GUCY1B1: variants seen among roughly 807,000 people sequenced by gnomAD.
GUCY1B1 encodes guanylate cyclase soluble subunit beta-1.
Under a neutral mutation model 71.0 loss-of-function variants are expected in GUCY1B1, and 43 were observed. The ratio of observed to expected loss-of-function variants is 0.61; its 90% CI spans 0.47 to 0.78. The LOEUF (loss-of-function observed/expected upper bound fraction) is 0.78. GUCY1B1 is among the 30% of genes least tolerant of loss of function. GUCY1B1 has a pLI of 0.00. For missense variants in GUCY1B1, 535 were observed against 754.1 expected (o/e 0.71, Z 3.40); for synonymous variants, 266 against 259.7 (o/e 1.02, Z -0.23).
intron 3 of GUCY1B1, among the ~76,000 whole-genome samples, chr4:155,775,381 C>T (rs1737973697): frequency 6.6e-6 from 1 of 152,202 alleles, no homozygotes; most frequent in Admixed American, 6.5e-5. Context: ...CATCCTCTGC[C>T]TGCCAGGCTC....
At position 155,795,203 on chromosome 4, in the gene GUCY1B1, T is replaced by G. The variant is rs899410063; in HGVS notation, c.727-138T>G. ...TTGAGATTTGAGTTGATAGTTCAGC[T>G]AAGTTTCCCTTGAATTATAATAATT... is the stretch of plus-strand genomic sequence containing the variant. On this transcript the variant is annotated intron_variant, in intron 6 of 13. Coordinates refer to ENST00000264424, the MANE Select transcript of GUCY1B1 (RefSeq NM_000857.5). 5.7e-6 allele frequency: 3 copies of G among 523,438 alleles called. No homozygotes were observed. The African/African-American group carries it at 5.8e-5, about 10-fold the overall frequency. The allele number at this position is 523,438 out of a possible 1,614,324, so 32.4% of individuals were successfully genotyped here.
In GUCY1B1 at chr4:155,802,088, T is replaced by C; in HGVS notation, c.1176-254T>C. 1 of 695,164 alleles carries C rather than the reference T, an allele frequency of 1.4e-6. No individual in the cohort carries two copies. The highest frequency in any genetic ancestry group is 2.3e-6 in the Non-Finnish European group (1 of 430,152). The allele number at this position is 695,164 out of a possible 1,614,324, so 43.1% of individuals were successfully genotyped here. ...TTTTGTTTTGTCTGTTTGCTTGGCTTATTTTGATTTGGTTTGAACTAGTTT... is the reference window on the plus strand; with the variant it reads ...TTTTGTTTTGTCTGTTTGCTTGGCTCATTTTGATTTGGTTTGAACTAGTTT... On this transcript the variant is annotated intron_variant, in intron 9 of 13. Coordinates refer to ENST00000264424, the MANE Select transcript of GUCY1B1 (RefSeq NM_000857.5). The surrounding 1 kb of genome is among the most constrained non-coding windows in gnomAD (Gnocchi z 4.3).
At chr4:155,787,117 A>G (rs1738851459) in intron 4 of GUCY1B1, among the ~76,000 whole-genome samples, 1 of 152,158 alleles carries the variant, frequency 6.6e-6, no homozygotes, top group Non-Finnish European at 1.5e-5. Flanking sequence ...TGAGAGGGCT[A>G]TGAAGCAGTT....
chr4:155,793,767 G>A (rs1337916240), intron 5 of GUCY1B1, 89 bp from the exon 6 acceptor site: 5 of 646,528 alleles, frequency 7.7e-6, no homozygotes, highest in African/African-American at 3.7e-5. Flanking sequence ...TCTTCTAAAT[G>A]CAGTATTCAT....
At chr4:155,780,953 T>C (rs1197022097) in intron 4 of GUCY1B1, among the ~76,000 whole-genome samples, 1 of 152,184 alleles carries the variant, frequency 6.6e-6, no homozygotes, top group Non-Finnish European at 1.5e-5. Context: ...AATCATAACA[T>C]GGGAGACTAT....
intron 4 of GUCY1B1, among the ~76,000 whole-genome samples, chr4:155,786,108 C>A (rs1265736602): frequency 9.5e-6 from 1 of 104,924 alleles, no homozygotes; most frequent in African/African-American, 3.4e-5. Context: ...TTGCCTTATG[C>A]CATCTGCTTG....
Position 155,804,582 on chromosome 4 carries a change from C to T in GUCY1B1, c.1555-11C>T. The T allele has an allele frequency of 1.3e-6, 2 of 1,591,978 alleles. No individual in the cohort carries two copies. The highest frequency in any genetic ancestry group is 1.7e-6 in the Non-Finnish European group (2 of 1,169,218). Reference sequence around the variant, plus strand: ...ATCAAAATGATTGAAGCAAAGCTTTCTTTTTTGCAGATAACAATAGGGATA... The same window carrying T: ...ATCAAAATGATTGAAGCAAAGCTTTTTTTTTTGCAGATAACAATAGGGATA... On this transcript the variant is annotated splice_polypyrimidine_tract_variant and intron_variant, in intron 11 of 13. Coordinates refer to ENST00000264424, the MANE Select transcript of GUCY1B1 (RefSeq NM_000857.5).
At chr4:155,777,375 G>A (rs1738124054) in intron 3 of GUCY1B1, 149 bp from the exon 4 acceptor site, 3 of 607,974 alleles carry the variant, frequency 4.9e-6, no homozygotes, top group East Asian at 5.5e-5. Context: ...GTATTGTCCT[G>A]GCGGGATTTT....
intron 8 of GUCY1B1, among the ~76,000 whole-genome samples, chr4:155,797,749 A>T (rs1202977566): frequency 6.7e-6 from 1 of 149,498 alleles, no homozygotes; most frequent in Non-Finnish European, 1.5e-5. Flanking sequence ...AATAATAATA[A>T]TAATAATAAT....
At chr4:155,793,822 G>A in intron 5 of GUCY1B1, 34 bp from the exon 6 acceptor site, 1 of 915,022 alleles carries the variant, frequency 1.1e-6, no homozygotes, top group Non-Finnish European at 1.8e-6. Context: ...CTGAAATGAA[G>A]ACAATTCATG....
At chr4:155,760,016 C>T (rs989269049) in intron 2 of GUCY1B1, among the ~76,000 whole-genome samples, 156 bp downstream of exon 2, 3 of 152,092 alleles carry the variant, frequency 2.0e-5, no homozygotes, top group Non-Finnish European at 4.4e-5. Context: ...AGCTGCGCTC[C>T]CACGCTCCGG....
intron 4 of GUCY1B1, among the ~76,000 whole-genome samples, chr4:155,778,815 G>C (rs1347537435): frequency 6.6e-6 from 1 of 152,108 alleles, no homozygotes; most frequent in Non-Finnish European, 1.5e-5. Context: ...GGGGGATTTT[G>C]GGTTTTTGAA....
intron 2 of GUCY1B1, among the ~76,000 whole-genome samples, chr4:155,768,498 G>A (rs546962546): frequency 2.6e-4 from 39 of 148,038 alleles, no homozygotes; most frequent in South Asian, 4.3e-4. Flanking sequence ...AAATGTGTGG[G>A]GAAATTGATT....
At chr4:155,774,812 A>C (rs971569609) in intron 2 of GUCY1B1, among the ~76,000 whole-genome samples, 156 bp from the exon 3 acceptor site, 1 of 152,184 alleles carries the variant, frequency 6.6e-6, no homozygotes, top group Admixed American at 6.5e-5. Context: ...CTCTCACTAG[A>C]ATTTTAGGTA....
intron 3 of GUCY1B1, 59 bp downstream of exon 3, chr4:155,775,127 C>A: frequency 1.1e-6 from 1 of 886,534 alleles, no homozygotes; most frequent in Non-Finnish European, 1.9e-6. Context: ...TCACAGAATG[C>A]ATGGTTCAAG....
chr4:155,764,130 G>GAGC (rs1465456851), intron 2 of GUCY1B1, among the ~76,000 whole-genome samples: 2 of 151,970 alleles, frequency 1.3e-5, no homozygotes, highest in African/African-American at 4.8e-5. Context: ...ACAAACAAAA[G>GAGC]AGCACATCAC....
intron 8 of GUCY1B1, among the ~76,000 whole-genome samples, chr4:155,798,608 A>G (rs1380620898): frequency 6.6e-5 from 10 of 152,198 alleles, no homozygotes; most frequent in African/African-American, 2.2e-4. Flanking sequence ...GCTGCTGAGA[A>G]TATATTGCAT....
Position 155,802,378 on chromosome 4 carries a change from T to C in GUCY1B1, c.1212T>C (p.Asn404=), listed in dbSNP as rs561088615. The change falls in exon 10 of 14, where the codon AAT becomes AAC. Residue 404 remains asparagine, a synonymous_variant. Transcript: ENST00000264424. The surrounding 1 kb of genome is among the most constrained non-coding windows in gnomAD (Gnocchi z 4.3). ...CTGTCCTTCCTCCGTCTGTTGCCAA[T>C]GAGCTGCGGCACAAGCGTCCAGTGC... ...LYSVLPPSVA[N]ELRHKRPVPA... 1 of 1,613,628 alleles carries C rather than the reference T, an allele frequency of 6.2e-7. No individual in the cohort carries two copies. The highest frequency in any genetic ancestry group is 1.1e-5 in the South Asian group (1 of 91,060).
chr4:155,785,460 T>A, intron 4 of GUCY1B1: 1 of 536,212 alleles, frequency 1.9e-6, no homozygotes, highest in Non-Finnish European at 3.2e-6. Flanking sequence ...ACACAGAATA[T>A]CAGTTTTGAT....
Sources: allele counts gnomAD v4.1 joint callset (sites outside exome capture counted in the v4.1 genomes callset), GRCh38; gene constraint gnomAD v4.1.1; non-coding constraint Gnocchi (gnomAD v3.1); transcripts MANE v1.5; gene names NCBI Gene and HGNC (gene_info 2026-07-23, HGNC 2026-07-21).